The following ANO6 variants were observed in gnomAD, a reference collection of about 807,000 sequenced individuals.
ANO6 encodes anoctamin-6.
ANO6 carries 106 observed loss-of-function variants against 117.5 expected under a neutral mutation model. The ratio of observed to expected loss-of-function variants is 0.90; its 90% CI spans 0.77 to 1.06. ANO6 has a LOEUF of 1.06. Ranked by LOEUF, ANO6 falls within the 50% of genes least tolerant of loss-of-function variation. The probability of loss-of-function intolerance (pLI) is 0.00; values close to 1 mark genes in which losing one functional copy is unlikely to be tolerated. For synonymous variants in ANO6, 367 were observed against 385.1 expected (o/e 0.95, Z 0.55); for missense variants, 955 against 1,121.1 (o/e 0.85, Z 2.12).
chr12:45,300,341 C>T (rs192654124), intron 1 of ANO6, among the ~76,000 whole-genome samples: 96 of 152,150 alleles, frequency 6.3e-4, no homozygotes, highest in Middle Eastern at 6.8e-3. Flanking sequence ...CCATCACGCC[C>T]GGCTAATTAA....
chr12:45,430,846 A>G lies in ANO6; in HGVS notation c.*1535A>G. Reference sequence around the variant, plus strand: ...AGGCCCTCTCACCCCTACTGGTAACAGGTCATTGCTGGGTGCACAAGAGGG... The same window carrying G: ...AGGCCCTCTCACCCCTACTGGTAACGGGTCATTGCTGGGTGCACAAGAGGG... On this transcript the variant is annotated 3_prime_UTR_variant, in exon 20 of 20. Transcript: ENST00000320560. 2 of 985,422 alleles carry G rather than the reference A, an allele frequency of 2.0e-6. No homozygotes were observed. Among genetic ancestry groups the G allele is most frequent in the Middle Eastern group, 5.2e-4 (1 of 1,916 alleles). The allele number at this position is 985,422 out of a possible 1,614,324, so 61.0% of individuals were successfully genotyped here.
intron 1 of ANO6, among the ~76,000 whole-genome samples, chr12:45,289,301 G>A (rs533856493): frequency 6.6e-4 from 100 of 151,448 alleles, no homozygotes; most frequent in Non-Finnish European, 1.2e-3. Context: ...TGAGTAGCTC[G>A]GATTACAGGT....
At chr12:45,302,330 AT>A (rs2137307951) in intron 2 of ANO6, among the ~76,000 whole-genome samples, 1 of 152,290 alleles carries the variant, frequency 6.6e-6, no homozygotes, top group South Asian at 2.1e-4. Flanking sequence ...GTAATTGCAA[AT>A]GGGAGTTCAC....
intron 2 of ANO6, 50 bp from the exon 3 acceptor site, chr12:45,331,245 C>T (rs200699542): frequency 6.0e-6 from 9 of 1,508,852 alleles, no homozygotes; most frequent in Non-Finnish European, 8.2e-6. Flanking sequence ...TATAAGTCAG[C>T]ATTTTTTCAA....
Position 45,287,788 on chromosome 12 carries a change from G to A in ANO6, c.71-14226G>A, listed in dbSNP as rs1938964724. Among the ~76,000 whole-genome samples the A allele has an allele frequency of 2.0e-5, 3 of 152,152 alleles. No individual in the cohort carries two copies. In the South Asian group the frequency reaches 6.2e-4, roughly 31 times the overall value. ...TGCTAAAACTGGGATGCTTCTTGAT[G>A]TGTTGGTCTTCTGTTCATTGTGGAA... On this transcript the variant is annotated intron_variant, in intron 1 of 19. Transcript: ENST00000320560.
chr12:45,431,675 G>C lies in ANO6; in HGVS notation c.*2364G>C. 1.0e-6 allele frequency: 1 copy of C among 985,444 alleles called. No homozygotes were observed. Among genetic ancestry groups the C allele is most frequent in the South Asian group, 4.7e-5 (1 of 21,286 alleles). 61.0% of individuals were successfully genotyped at this position (985,444 alleles called of 1,614,324 possible). A position where few individuals can be genotyped will look rare whatever the true frequency, so the allele number is the denominator to read the frequency against. On this transcript the variant is annotated 3_prime_UTR_variant, in exon 20 of 20. Transcript: ENST00000320560. ...AGTGTTTGTTAGTGAGTCCACGGCT[G>C]ACTTGCAGTGATAAAGAAAAGCATG...
At position 45,302,003 on chromosome 12, in the gene ANO6, T is replaced by C. The variant is rs374406612; in HGVS notation, c.71-11T>C. The C allele has an allele frequency of 1.2e-6, 2 of 1,612,596 alleles. No individual in the cohort carries two copies. The highest frequency in any genetic ancestry group is 2.7e-5 in the African/African-American group (2 of 74,888). On this transcript the variant is annotated splice_polypyrimidine_tract_variant and intron_variant, in intron 1 of 19. Transcript: ENST00000320560. The stretch of plus-strand genomic sequence containing the variant: ...CATGCTTCATTTGTTTATATATTCA[T>C]TCGTTTTTAGTGTTGGAAAACCTTG...
At chr12:45,239,391 C>T (rs1947701390) in intron 1 of ANO6, among the ~76,000 whole-genome samples, 1 of 152,150 alleles carries the variant, frequency 6.6e-6, no homozygotes, top group African/African-American at 2.4e-5. Flanking sequence ...GTGATATCCA[C>T]TTTATCATTT....
chr12:45,272,008 C>G (rs1052833510), intron 1 of ANO6, among the ~76,000 whole-genome samples: 4 of 152,274 alleles, frequency 2.6e-5, no homozygotes, highest in African/African-American at 9.6e-5. Flanking sequence ...GAAGTAAAGT[C>G]ACCATATATC....
At chr12:45,292,812 T>G (rs1241363323) in intron 1 of ANO6, 11 of 1,510,406 alleles carry the variant, frequency 7.3e-6, no homozygotes, top group South Asian at 2.6e-5. Flanking sequence ...TATTGCTGTT[T>G]GTGGATGATA....
chr12:45,277,044 A>C (rs1308670695), intron 1 of ANO6, among the ~76,000 whole-genome samples: 1 of 152,154 alleles, frequency 6.6e-6, no homozygotes, highest in Non-Finnish European at 1.5e-5. Context: ...TAACATAATT[A>C]AATTATAATT....
At chr12:45,321,731 A>G (rs1940279782) in intron 2 of ANO6, among the ~76,000 whole-genome samples, 1 of 152,096 alleles carries the variant, frequency 6.6e-6, no homozygotes, top group African/African-American at 2.4e-5. Flanking sequence ...TAAAAATGGT[A>G]TTCTGTGGGA....
At chr12:45,402,835 CA>C (rs764728165) in intron 13 of ANO6, among the ~76,000 whole-genome samples, 4 of 151,956 alleles carry the variant, frequency 2.6e-5, no homozygotes, top group African/African-American at 7.3e-5. Flanking sequence ...TTTTGTGGGG[CA>C]GGGGGGAACA....
At chr12:45,422,433 A>G (rs867980218) in intron 18 of ANO6, among the ~76,000 whole-genome samples, 3 of 152,208 alleles carry the variant, frequency 2.0e-5, no homozygotes, top group South Asian at 2.1e-4. Context: ...TTCTACAAAG[A>G]TGGACCATGT....
downstream of ANO6, among the ~76,000 whole-genome samples, chr12:45,435,150 C>A (rs1346320716): frequency 6.6e-6 from 1 of 152,194 alleles, no homozygotes; most frequent in African/African-American, 2.4e-5. Flanking sequence ...GATGTCTCCT[C>A]AGAGCTTTTT....
intron 1 of ANO6, among the ~76,000 whole-genome samples, chr12:45,279,283 T>G (rs957352776): frequency 6.6e-6 from 1 of 152,212 alleles, no homozygotes; most frequent in African/African-American, 2.4e-5. Context: ...GCTTATAATT[T>G]AAATGAAATT....
Position 45,350,758 on chromosome 12 carries a change from C to T in ANO6, c.847C>T (p.Pro283Ser). 1.9e-6 allele frequency: 3 copies of T among 1,613,442 alleles called. No homozygotes were observed. The highest frequency in any genetic ancestry group is 2.5e-6 in the Non-Finnish European group (3 of 1,179,650). ...TCCTCGAAGCATATACAAAAAGCAGCCCTTGGATCTTATCAGGTGAGGGGT... is the reference window on the plus strand; with the variant it reads ...TCCTCGAAGCATATACAAAAAGCAGTCCTTGGATCTTATCAGGTGAGGGGT... ...AHPRSIYKKQ[P>S]LDLIRKYYGE... is the part of the protein sequence containing the mutation. Residue 283 changes from proline to serine, a missense_variant, in exon 7 of 20, where the codon CCC becomes TCC. By Grantham distance (74) the Pro-to-Ser change is moderately conservative. Transcript: ENST00000320560.
intron 8 of ANO6, among the ~76,000 whole-genome samples, chr12:45,367,364 A>G (rs1251651762): frequency 1.3e-5 from 2 of 152,230 alleles, no homozygotes; most frequent in African/African-American, 4.8e-5. Flanking sequence ...TCTGTTAGTA[A>G]TAACAGTTCT....
intron 17 of ANO6, among the ~76,000 whole-genome samples, chr12:45,419,156 A>T (rs1264144947): frequency 3.3e-5 from 5 of 152,262 alleles, no homozygotes. Flanking sequence ...CTGTTATTGA[A>T]GACCAATTTT....
Sources: allele counts gnomAD v4.1 joint callset (sites outside exome capture counted in the v4.1 genomes callset), GRCh38; gene constraint gnomAD v4.1.1; transcripts MANE v1.5; gene names NCBI Gene and HGNC (gene_info 2026-07-23, HGNC 2026-07-21).